The following CACNA1E variants were observed in gnomAD, a reference collection of about 807,000 sequenced individuals.
CACNA1E encodes calcium voltage-gated channel subunit alpha1 E.
Under a neutral mutation model 259.2 loss-of-function variants are expected in CACNA1E, and 40 were observed. The observed-to-expected ratio is 0.15, with a 90% CI of 0.12 to 0.20. The LOEUF (loss-of-function observed/expected upper bound fraction) is 0.20, where lower values mean the gene tolerates loss of function less well. Among genes scored for constraint, CACNA1E ranks in the 10% least tolerant of loss-of-function variants. CACNA1E has a pLI of 1.00. For synonymous variants in CACNA1E, 1,104 were observed against 1,138.5 expected (o/e 0.97, Z 0.61); for missense variants, 1,874 against 3,040.1 (o/e 0.62, Z 9.02).
chr1:181,585,617 A>G (rs1168265312), intron 6 of CACNA1E, among the ~76,000 whole-genome samples: 8 of 152,172 alleles, frequency 5.3e-5, no homozygotes. Flanking sequence ...TTTTAAATGG[A>G]GATGTCAGGA....
intron 3 of CACNA1E, among the ~76,000 whole-genome samples, chr1:181,527,495 A>C (rs1255313816): frequency 6.6e-6 from 1 of 152,242 alleles, no homozygotes; most frequent in African/African-American, 2.4e-5. Flanking sequence ...TTTATAGCTT[A>C]ATTTATCTTG....
At chr1:181,320,362 C>G (rs1322507840) in intron 1 of CACNA1E, among the ~76,000 whole-genome samples, 2 of 152,170 alleles carry the variant, frequency 1.3e-5, no homozygotes, top group African/African-American at 2.4e-5. Flanking sequence ...ACGGATGTGT[C>G]AGTCACACCT....
chr1:181,738,274 G>C, intron 23 of CACNA1E, 93 bp from the exon 24 acceptor site: 1 of 958,548 alleles, frequency 1.0e-6, no homozygotes. Flanking sequence ...CAGGGTGGGC[G>C]TGCACGAGTG....
intron 7 of CACNA1E, among the ~76,000 whole-genome samples, chr1:181,665,052 C>T (rs796652356): frequency 6.6e-5 from 10 of 152,106 alleles, no homozygotes; most frequent in African/African-American, 2.4e-4. Context: ...TCTGGTTGAC[C>T]AAGTTCTTAG....
chr1:181,626,946 A>C (rs757720281), intron 6 of CACNA1E, among the ~76,000 whole-genome samples: 2 of 152,172 alleles, frequency 1.3e-5, no homozygotes, highest in Non-Finnish European at 2.9e-5. Context: ...ATACTACACA[A>C]ATTTTCTTAA....
intron 6 of CACNA1E, among the ~76,000 whole-genome samples, chr1:181,633,245 C>T (rs1656908036): frequency 6.6e-6 from 1 of 152,078 alleles, no homozygotes; most frequent in Non-Finnish European, 1.5e-5. Flanking sequence ...AGTGTCTGCC[C>T]TGAAAGCAGA....
chr1:181,454,616 T>C (rs955329534), intron 2 of CACNA1E, among the ~76,000 whole-genome samples: 9 of 152,322 alleles, frequency 5.9e-5, no homozygotes, highest in Middle Eastern at 3.4e-3. Flanking sequence ...GGACCACTTA[T>C]ATCATAGACA....
chr1:181,427,985 G>A (rs1369273609), intron 2 of CACNA1E, among the ~76,000 whole-genome samples: 2 of 152,126 alleles, frequency 1.3e-5, no homozygotes, highest in Admixed American at 6.5e-5. Flanking sequence ...CTGAACCACA[G>A]TTTATTCCAG....
At chr1:181,577,673 C>T (rs1315103114) in intron 3 of CACNA1E, 93 bp from the exon 4 acceptor site, 2 of 774,910 alleles carry the variant, frequency 2.6e-6, no homozygotes, top group African/African-American at 3.5e-5. Context: ...TGTGTGCTTT[C>T]CAGGCTGAGC....
chr1:181,796,896 CA>C (rs1351741602), intron 47 of CACNA1E, 38 bp downstream of exon 47: 1 of 1,471,044 alleles, frequency 6.8e-7, no homozygotes, highest in East Asian at 2.4e-5. Context: ...AGCAGAAGGA[CA>C]GGGGAGGGTG....
At chr1:181,332,132 C>T (rs766483333) in intron 1 of CACNA1E, among the ~76,000 whole-genome samples, 2 of 152,160 alleles carry the variant, frequency 1.3e-5, no homozygotes, top group Admixed American at 1.3e-4. Flanking sequence ...TCAAATACTA[C>T]GTGTTCTCAC....
chr1:181,667,587 A>G (rs1245592917), intron 7 of CACNA1E, among the ~76,000 whole-genome samples: 2 of 152,178 alleles, frequency 1.3e-5, no homozygotes, highest in South Asian at 4.1e-4. Flanking sequence ...AATGGTACAA[A>G]TACATAAGGT....
intron 3 of CACNA1E, among the ~76,000 whole-genome samples, chr1:181,559,350 A>C (rs949686336): frequency 9.9e-5 from 15 of 152,190 alleles, no homozygotes; most frequent in Non-Finnish European, 1.0e-4. Flanking sequence ...CCAGGTATGC[A>C]AGGAGAGAGG....
rs562285607 is a variant in CACNA1E at position 181,488,996 on chromosome 1, T to G, written c.266+4986T>G. ...TAGTGAAAATAAAACTGAGTGAAGCTTTGCTAAGCTCTCAGAACTCTTGCA... is the reference window on the plus strand; with the variant it reads ...TAGTGAAAATAAAACTGAGTGAAGCGTTGCTAAGCTCTCAGAACTCTTGCA... On this transcript the variant is annotated intron_variant, in intron 1 of 47. Coordinates refer to ENST00000367573, the MANE Select transcript of CACNA1E (RefSeq NM_001205293.3). 4.6e-5 allele frequency among the ~76,000 whole-genome samples: 7 copies of G among 152,296 alleles called. No individual in the cohort carries two copies. In the South Asian group the frequency reaches 1.4e-3, roughly 32 times the overall value.
At chr1:181,440,983 CAAAAAAAAAAAAAAAAAA>C (rs60257271) in intron 2 of CACNA1E, among the ~76,000 whole-genome samples, 13 of 38,190 alleles carry the variant, frequency 3.4e-4, no homozygotes, top group Non-Finnish European at 4.4e-4. Flanking sequence ...GACCTTGTTT[CAAAAAAAAAAAAAAAAAA>C]AAAAAAAAAA....
chr1:181,551,374 T>C (rs1373902684), intron 3 of CACNA1E, among the ~76,000 whole-genome samples: 1 of 152,124 alleles, frequency 6.6e-6, no homozygotes, highest in Non-Finnish European at 1.5e-5. Context: ...GGTGGGGTGG[T>C]GATGCAGCGT....
At chr1:181,775,094 G>A (rs907788511) in intron 37 of CACNA1E, among the ~76,000 whole-genome samples, 3 of 152,126 alleles carry the variant, frequency 2.0e-5, no homozygotes, top group African/African-American at 4.8e-5. Flanking sequence ...GCTCTAGACC[G>A]CACATTTTCA....
At chr1:181,715,964 C>T (rs915244555) in intron 9 of CACNA1E, 76 bp from the exon 10 acceptor site, 15 of 937,748 alleles carry the variant, frequency 1.6e-5, no homozygotes, top group Non-Finnish European at 2.5e-5. Context: ...ATCTTGCCTG[C>T]ATTCCTCAAA....
At chr1:181,792,816 G>GCTATCTGTA (rs1248682176) in intron 44 of CACNA1E, among the ~76,000 whole-genome samples, 1 of 152,188 alleles carries the variant, frequency 6.6e-6, no homozygotes, top group Non-Finnish European at 1.5e-5. Context: ...AATGATACTA[G>GCTATCTGTA]CTATCTGTAT....
Sources: gnomAD v4.1 joint callset for allele counts (sites outside exome capture counted in the v4.1 genomes callset) on GRCh38, gnomAD v4.1.1 for gene constraint, MANE v1.5 for transcripts, NCBI Gene and HGNC (gene_info 2026-07-23, HGNC 2026-07-21) for gene names.